Variants in ENPP2 observed in about 807,000 individuals in gnomAD.
The protein encoded by ENPP2 is ectonucleotide pyrophosphatase/phosphodiesterase 2.
In ENPP2, 51 loss-of-function variants were observed where a neutral mutation model predicts 120.2. The observed-to-expected ratio is 0.42, with a 90% CI of 0.34 to 0.54. ENPP2 has a LOEUF of 0.54. Ranked by LOEUF, ENPP2 falls within the 20% of genes least tolerant of loss-of-function variation. ENPP2 has a pLI of 0.04. For missense variants in ENPP2, 920 were observed against 1,066.5 expected, an observed-to-expected ratio of 0.86 and a Z score of 1.91; for synonymous variants, 365 against 366.4, an observed-to-expected ratio of 1.00 and a Z score of 0.04.
At chr8:119,665,581 T>G (rs914815388) in intron 1 of ENPP2, among the ~76,000 whole-genome samples, 1 of 152,218 alleles carries the variant, frequency 6.6e-6, no homozygotes, top group African/African-American at 2.4e-5. Context: ...ACTCAATTTT[T>G]TGTTCAAGAA....
intron 10 of ENPP2, 81 bp from the exon 11 acceptor site, chr8:119,600,831 T>TA (rs555281736): frequency 2.8e-4 from 231 of 821,608 alleles, no homozygotes; most frequent in African/African-American, 9.9e-4. Flanking sequence ...AAAACGCATT[T>TA]AAAAAAAAAT....
chr8:119,666,661 T>A (rs540607247), intron 1 of ENPP2, among the ~76,000 whole-genome samples: 1 of 151,810 alleles, frequency 6.6e-6, no homozygotes, highest in South Asian at 2.1e-4. Context: ...ATGCCTGTAA[T>A]CCCAGCTACT....
intron 1 of ENPP2, among the ~76,000 whole-genome samples, chr8:119,647,958 T>G (rs1207145609): frequency 6.6e-6 from 1 of 152,110 alleles, no homozygotes; most frequent in African/African-American, 2.4e-5. Flanking sequence ...TGAGCCAAGA[T>G]CATGCCACTG....
intron 2 of ENPP2, among the ~76,000 whole-genome samples, chr8:119,629,045 A>C (rs1320945661): frequency 6.6e-6 from 1 of 152,180 alleles, no homozygotes; most frequent in East Asian, 1.9e-4. Flanking sequence ...AATACCATAC[A>C]ATATATGTGC....
At chr8:119,564,712 A>T (rs1814262642) in intron 23 of ENPP2, 111 bp downstream of exon 23, 2 of 682,020 alleles carry the variant, frequency 2.9e-6, no homozygotes, top group Admixed American at 7.1e-5. Context: ...TGAAAAATTC[A>T]AAAAACTTAA....
At position 119,668,380 on chromosome 8, in the gene ENPP2, G is replaced by A. The variant is rs532075789; in HGVS notation, c.21+4872C>T. The stretch of plus-strand genomic sequence containing the variant: ...CAATACAGAGTACGATGACTATCAT[G>A]TCTCATGTTCTATACTTTTTTTTTC... On this transcript the variant is annotated intron_variant, in intron 1 of 25. Coordinates refer to the ENPP2 transcript ENST00000427067. Among the ~76,000 whole-genome samples the A allele has an allele frequency of 2.0e-5, 3 of 150,260 alleles. No homozygotes were observed. The South Asian group carries it at 6.3e-4, about 32-fold the overall frequency.
intron 9 of ENPP2, 130 bp downstream of exon 9, chr8:119,607,792 T>C (rs1447857719): frequency 9.6e-6 from 6 of 625,674 alleles, no homozygotes; most frequent in Non-Finnish European, 1.6e-5. Flanking sequence ...AAGGTTATTT[T>C]GATTTAGTAA....
intron 18 of ENPP2, chr8:119,580,406 CTG>C (rs761587812): frequency 1.8e-6 from 1 of 543,672 alleles, no homozygotes; most frequent in Non-Finnish European, 3.3e-6. Context: ...TTCCTTAAAA[CTG>C]TGGATAGTCA....
intron 15 of ENPP2, 117 bp from the exon 16 acceptor site, chr8:119,584,166 T>G: frequency 3.0e-6 from 2 of 663,500 alleles, no homozygotes; most frequent in Non-Finnish European, 5.3e-6. Flanking sequence ...TTGCCTCTAT[T>G]TTAATTGCAT....
chr8:119,663,379 C>T (rs1817981118), intron 1 of ENPP2, among the ~76,000 whole-genome samples: 1 of 152,126 alleles, frequency 6.6e-6, no homozygotes, highest in African/African-American at 2.4e-5. Flanking sequence ...GATAGGGCTG[C>T]CAGGTACAAT....
chr8:119,586,351 T>C lies in ENPP2; in HGVS notation c.1240-38A>G, dbSNP rs775718666. 3.7e-6 allele frequency: 6 copies of C among 1,605,200 alleles called. No individual in the cohort carries two copies. In the East Asian group the frequency reaches 8.9e-5, roughly 24 times the overall value. ...TGGAAATCAGACTTCAGATGGAATG[T>C]CTTTTGGAAAAATTCTTACAAATTC... On this transcript the variant is annotated intron_variant, in intron 14 of 24. Transcript: ENST00000075322.
chr8:119,614,789 G>T (rs1414369290), intron 8 of ENPP2, among the ~76,000 whole-genome samples: 1 of 152,092 alleles, frequency 6.6e-6, no homozygotes, highest in Non-Finnish European at 1.5e-5. Flanking sequence ...CAATCATTTT[G>T]TGTACTCATA....
At chr8:119,624,876 CTTTTG>C (rs2130764522) in intron 3 of ENPP2, among the ~76,000 whole-genome samples, 1 of 152,234 alleles carries the variant, frequency 6.6e-6, no homozygotes, top group African/African-American at 2.4e-5. Flanking sequence ...ATCTCAGAGC[CTTTTG>C]TTTTTCTATT....
chr8:119,587,227 G>A (rs925689763), intron 13 of ENPP2, 152 bp from the exon 14 acceptor site: 1 of 684,808 alleles, frequency 1.5e-6, no homozygotes, highest in Non-Finnish European at 2.5e-6. Context: ...ATTGTGTAGG[G>A]GTATTTAACA....
At chr8:119,566,598 G>A (rs1814467428) in intron 22 of ENPP2, among the ~76,000 whole-genome samples, 1 of 152,266 alleles carries the variant, frequency 6.6e-6, no homozygotes, top group African/African-American at 2.4e-5. Context: ...CAGTCAAAAG[G>A]CCAGGCCTGC....
intron 1 of ENPP2, among the ~76,000 whole-genome samples, chr8:119,649,814 C>T (rs1817577285): frequency 6.6e-6 from 1 of 152,082 alleles, no homozygotes; most frequent in Non-Finnish European, 1.5e-5. Flanking sequence ...AAAGTTTGTT[C>T]AACATCATTA....
In ENPP2 at chr8:119,660,036, G is replaced by GTATAAA. The variant is rs1219036888; in HGVS notation, c.21+13210_21+13215dup. Among the ~76,000 whole-genome samples the GTATAAA allele has an allele frequency of 2.6e-5, 4 of 152,170 alleles. No individual in the cohort carries two copies. The East Asian group carries it at 7.7e-4, about 29-fold the overall frequency. On this transcript the variant is annotated intron_variant, in intron 1 of 25. Transcript: ENST00000427067. ...GAAATGTGGACAGGCCAAAGTATAA[G>GTATAAA]TATAAATATAAATATTGAGAAGCTG...
intron 23 of ENPP2, among the ~76,000 whole-genome samples, chr8:119,564,489 C>T (rs931505571): frequency 2.6e-5 from 4 of 151,800 alleles, no homozygotes; most frequent in African/African-American, 9.7e-5. Context: ...ACCAGCCTGG[C>T]CAACATGGTG....
intron 19 of ENPP2, chr8:119,578,506 T>C (rs955300143): frequency 3.3e-5 from 5 of 152,230 alleles, no homozygotes; most frequent in East Asian, 3.8e-4. Context: ...GGGAGTTCAA[T>C]AGAAGTTACC....
Sources: gnomAD v4.1 joint callset for allele counts (sites outside exome capture counted in the v4.1 genomes callset) on GRCh38, gnomAD v4.1.1 for gene constraint, MANE v1.5 for transcripts, NCBI Gene and HGNC (gene_info 2026-07-23, HGNC 2026-07-21) for gene names.